Variants in RPTOR observed in about 807,000 individuals in gnomAD.
RPTOR encodes the protein regulatory associated protein of MTOR complex 1, also known as regulatory-associated protein of mTOR.
RPTOR carries 21 observed loss-of-function variants against 169.9 expected under a neutral mutation model. That is an observed-to-expected ratio of 0.12 (90% CI 0.09 to 0.18). The LOEUF (loss-of-function observed/expected upper bound fraction) is 0.18. Ranked by LOEUF, RPTOR falls within the 10% of genes least tolerant of loss-of-function variation. The probability of loss-of-function intolerance (pLI) is 1.00; values close to 1 mark genes in which losing one functional copy is unlikely to be tolerated. For synonymous variants in RPTOR, 732 were observed against 753.2 expected (o/e 0.97, Z 0.46); for missense variants, 1,133 against 1,855.9 (o/e 0.61, Z 7.16).
At chr17:80,825,829 C>G (rs932723138) in intron 9 of RPTOR, among the ~76,000 whole-genome samples, 1 of 152,252 alleles carries the variant, frequency 6.6e-6, no homozygotes, top group East Asian at 1.9e-4. Flanking sequence ...CATCATCCCA[C>G]CACAAGCAGC....
chr17:80,585,290 C>T (rs547720710), intron 1 of RPTOR, among the ~76,000 whole-genome samples: 8 of 151,468 alleles, frequency 5.3e-5, no homozygotes, highest in African/African-American at 9.7e-5. Context: ...CTGCAAACTC[C>T]GCTTCCCGGG....
rs572852632 is a variant in RPTOR at position 80,590,811 on chromosome 17, T to C, written c.163-34880T>C. Among the ~76,000 whole-genome samples the C allele has an allele frequency of 4.6e-5, 7 of 152,376 alleles. No homozygotes were observed. In the South Asian group the frequency reaches 1.4e-3, roughly 32 times the overall value. On this transcript the variant is annotated intron_variant, in intron 1 of 33. Coordinates refer to ENST00000306801, the MANE Select transcript of RPTOR (RefSeq NM_020761.3). ...TTGTTGGGTTTTAACACCAAGGTCA[T>C]GCTATTCCAAAAATATGAGTTTGAG...
chr17:80,875,961 A>C (rs1598370379), intron 13 of RPTOR, among the ~76,000 whole-genome samples: 1 of 27,396 alleles, frequency 3.7e-5, no homozygotes, highest in African/African-American at 2.3e-4. Context: ...CTGGGTCTTC[A>C]CACCGAGCCC....
intron 3 of RPTOR, among the ~76,000 whole-genome samples, chr17:80,672,112 C>G (rs1014002149): frequency 1.3e-5 from 2 of 152,154 alleles, no homozygotes; most frequent in African/African-American, 2.4e-5. Context: ...TGTTCTGACT[C>G]GGATACTGGA....
intron 3 of RPTOR, among the ~76,000 whole-genome samples, chr17:80,690,639 G>A (rs533456499): frequency 2.8e-5 from 4 of 140,634 alleles, no homozygotes; most frequent in African/African-American, 5.3e-5. Flanking sequence ...GGACACAGCC[G>A]GGCTCCCCTA....
At chr17:80,552,040 T>C (rs1018193471) in intron 1 of RPTOR, among the ~76,000 whole-genome samples, 15 of 152,134 alleles carry the variant, frequency 9.9e-5, no homozygotes, top group African/African-American at 3.6e-4. Context: ...GAGCACGGGG[T>C]TGGGGGTAAG....
intron 5 of RPTOR, among the ~76,000 whole-genome samples, chr17:80,732,626 T>TTA (rs1316186705): frequency 3.9e-5 from 6 of 152,268 alleles, no homozygotes; most frequent in Admixed American, 3.9e-4. Flanking sequence ...GCTCTGATTT[T>TTA]TATCTTCGTT....
chr17:80,579,860 C>T (rs1281107468), intron 1 of RPTOR, among the ~76,000 whole-genome samples: 2 of 152,120 alleles, frequency 1.3e-5, no homozygotes, highest in Non-Finnish European at 2.9e-5. Flanking sequence ...ACTTCTCCTC[C>T]TCTTTATACT....
At position 80,687,865 on chromosome 17, in the gene RPTOR, A is replaced by G. The variant is rs1256853684; in HGVS notation, c.349-19976A>G. On this transcript the variant is annotated intron_variant, in intron 3 of 33. Transcript: ENST00000306801. ...GGAAGCTCAGAAATGGGATGCCCGC[A>G]CTGCCTTCAATTCACCCTCCATTGT... 2.0e-5 allele frequency among the ~76,000 whole-genome samples: 3 copies of G among 152,282 alleles called. No individual in the cohort carries two copies. The East Asian group carries it at 5.8e-4, about 29-fold the overall frequency.
intron 4 of RPTOR, among the ~76,000 whole-genome samples, chr17:80,729,550 C>T (rs568835729): frequency 2.6e-5 from 4 of 152,306 alleles, no homozygotes; most frequent in Admixed American, 2.6e-4. Context: ...TTTCACTCAG[C>T]AGATTAGTGT....
chr17:80,838,414 G>T (rs1486498272), intron 10 of RPTOR, among the ~76,000 whole-genome samples: 1 of 152,166 alleles, frequency 6.6e-6, no homozygotes, highest in Non-Finnish European at 1.5e-5. Flanking sequence ...GCCCCCGGCC[G>T]CACTGCACGG....
chr17:80,759,091 C>T (rs947818804), intron 6 of RPTOR, among the ~76,000 whole-genome samples: 9 of 151,822 alleles, frequency 5.9e-5, no homozygotes, highest in South Asian at 2.1e-4. Context: ...TGTGGCAGTG[C>T]GTCCTGTAGT....
rs766341642 is a variant in RPTOR at position 80,609,987 on chromosome 17, C to T, written c.163-15704C>T. ...AGGCCTTCCAGCAAGTCGGTTCTCA[C>T]GTCAAGGGCATGTCCTGAGGGTTAT... On this transcript the variant is annotated intron_variant, in intron 1 of 33. Transcript: ENST00000306801. This position sits in a 1 kb window ranked among gnomAD's most constrained non-coding sequence, Gnocchi z 4.8. Among the ~76,000 whole-genome samples the T allele has an allele frequency of 6.6e-5, 10 of 152,146 alleles. No homozygotes were observed. Among genetic ancestry groups the T allele is most frequent in the Non-Finnish European group, 1.2e-4 (8 of 68,032 alleles).
chr17:80,695,642 C>A lies in RPTOR; in HGVS notation c.349-12199C>A, dbSNP rs1016064896. ...GACCTTGGGCTTCCTAGTCTCTGCA[C>A]GTTACCCCGAATTCCAGAATAATCG... On this transcript the variant is annotated intron_variant, in intron 3 of 33. Coordinates refer to ENST00000306801, the MANE Select transcript of RPTOR (RefSeq NM_020761.3). This position sits in a 1 kb window ranked among gnomAD's most constrained non-coding sequence, Gnocchi z 4.9. Among the ~76,000 whole-genome samples, 1 of 152,208 alleles carries A rather than the reference C, an allele frequency of 6.6e-6. No individual in the cohort carries two copies. The highest frequency in any genetic ancestry group is 1.5e-5 in the Non-Finnish European group (1 of 68,038).
intron 7 of RPTOR, among the ~76,000 whole-genome samples, chr17:80,817,084 CTT>C (rs2067331585): frequency 6.6e-6 from 1 of 152,084 alleles, no homozygotes; most frequent in Non-Finnish European, 1.5e-5. Flanking sequence ...AGGTGGGTGA[CTT>C]GGGGGCCTGG....
chr17:80,825,557 G>A (rs940106315), intron 9 of RPTOR, among the ~76,000 whole-genome samples: 5 of 152,224 alleles, frequency 3.3e-5, no homozygotes, highest in Non-Finnish European at 1.5e-5. Flanking sequence ...CAGCTATTCT[G>A]CAGACTCTGC....
chr17:80,744,595 T>C lies in RPTOR; in HGVS notation c.655-9415T>C, dbSNP rs1455378623. Among the ~76,000 whole-genome samples the C allele has an allele frequency of 1.2e-3, 23 of 19,886 alleles. 2 individuals carry two copies. Among genetic ancestry groups the C allele is most frequent in the Admixed American group, 3.0e-3 (5 of 1,642 alleles). The allele number at this position is 19,886 out of a possible 152,430, so 13.0% of individuals were successfully genotyped here. ...AGCACAGCCCTGGCTACTAGCACTG[T>C]CCTGGTTACTAGCACAGCCCTGGTT... On this transcript the variant is annotated intron_variant, in intron 5 of 33. Coordinates refer to ENST00000306801, the MANE Select transcript of RPTOR (RefSeq NM_020761.3).
intron 5 of RPTOR, among the ~76,000 whole-genome samples, chr17:80,731,219 A>G (rs903581070): frequency 6.6e-6 from 1 of 152,134 alleles, no homozygotes; most frequent in Non-Finnish European, 1.5e-5. Context: ...CATTTTACTC[A>G]GTGTCATTTT....
rs8080103 is a variant in RPTOR at position 80,904,091 on chromosome 17, G to C, written c.2402-4720G>C. ...GCACCGCCCACCCGGCCCGGGAGGT[G>C]CTGCGTCTTCCCTGTGGGCAGCTGC... is the stretch of plus-strand genomic sequence containing the variant. On this transcript the variant is annotated intron_variant, in intron 20 of 33. Coordinates refer to ENST00000306801, the MANE Select transcript of RPTOR (RefSeq NM_020761.3). Among the ~76,000 whole-genome samples, 1,208 of 152,362 alleles carry C rather than the reference G, an allele frequency of 7.9e-3. 20 individuals carry two copies. The highest frequency in any genetic ancestry group is 0.028 in the African/African-American group (1,180 of 41,596).
Sources: allele counts gnomAD v4.1 joint callset (sites outside exome capture counted in the v4.1 genomes callset), GRCh38; gene constraint gnomAD v4.1.1; non-coding constraint Gnocchi (gnomAD v3.1); transcripts MANE v1.5; gene names NCBI Gene and HGNC (gene_info 2026-07-23, HGNC 2026-07-21).